Variants in SH3RF1 observed in about 807,000 individuals in gnomAD.
SH3RF1 encodes SH3 domain containing ring finger 1.
Under a neutral mutation model 74.0 loss-of-function variants are expected in SH3RF1, and 32 were observed. The ratio of observed to expected loss-of-function variants is 0.43; its 90% CI spans 0.33 to 0.58. The LOEUF is 0.58. SH3RF1 is among the 20% of genes least tolerant of loss of function. The pLI is 0.05. For synonymous variants in SH3RF1, 396 were observed against 439.6 expected, an observed-to-expected ratio of 0.90 and a Z score of 1.24; for missense variants, 954 against 1,130.9, an observed-to-expected ratio of 0.84 and a Z score of 2.24.
chr4:169,228,901 T>A (rs1730691167), intron 2 of SH3RF1, among the ~76,000 whole-genome samples: 2 of 152,198 alleles, frequency 1.3e-5, no homozygotes, highest in Non-Finnish European at 2.9e-5. Context: ...TATAATTTTG[T>A]AATGTTAGAA....
chr4:169,227,172 A>C (rs1364952852), intron 2 of SH3RF1, among the ~76,000 whole-genome samples: 4 of 152,202 alleles, frequency 2.6e-5, no homozygotes, highest in African/African-American at 9.6e-5. Context: ...CCTTGAAAAA[A>C]AAACACATAA....
At chr4:169,240,935 T>C (rs1660960391) in intron 2 of SH3RF1, among the ~76,000 whole-genome samples, 1 of 152,130 alleles carries the variant, frequency 6.6e-6, no homozygotes, top group African/African-American at 2.4e-5. Context: ...AGCTTTCCTT[T>C]TTAAAACTGC....
At chr4:169,125,860 T>C (rs967891990) in intron 6 of SH3RF1, among the ~76,000 whole-genome samples, 3 of 152,246 alleles carry the variant, frequency 2.0e-5, no homozygotes, top group Admixed American at 1.3e-4. Flanking sequence ...TACATGGAGA[T>C]GCCTGTTGAA....
chr4:169,220,448 A>G, intron 2 of SH3RF1: 1 of 152,248 alleles, frequency 6.6e-6, no homozygotes, highest in East Asian at 1.9e-4. Context: ...TCTCCTCCAC[A>G]GGATAAATTT....
chr4:169,104,967 TTC>T (rs1394981918), intron 11 of SH3RF1, among the ~76,000 whole-genome samples: 1 of 152,124 alleles, frequency 6.6e-6, no homozygotes, highest in African/African-American at 2.4e-5. Context: ...TTGAAATTTA[TTC>T]TTTTCCATTT....
chr4:169,203,384 C>G (rs1734942155), intron 2 of SH3RF1, among the ~76,000 whole-genome samples: 1 of 152,032 alleles, frequency 6.6e-6, no homozygotes, highest in Admixed American at 6.6e-5. Context: ...AACCCCACCT[C>G]TACCAAAAAT....
intron 4 of SH3RF1, among the ~76,000 whole-genome samples, chr4:169,141,635 A>G (rs894692112): frequency 1.3e-5 from 2 of 148,978 alleles, no homozygotes; most frequent in African/African-American, 2.5e-5. Flanking sequence ...GACTGATATA[A>G]ATACTTTTTT....
intron 2 of SH3RF1, among the ~76,000 whole-genome samples, chr4:169,266,048 C>G (rs1009784921): frequency 4.6e-5 from 7 of 152,252 alleles, no homozygotes; most frequent in South Asian, 2.1e-4. Context: ...TGGCCTAAAA[C>G]CAACAGGAAT....
Position 169,107,196 on chromosome 4 carries a change from T to G in SH3RF1, c.2149A>C (p.Lys717Gln). The change falls in exon 11 of 12, where the codon AAG (lysine) becomes CAG (glutamine). Residue 717 changes from lysine to glutamine, a missense_variant. By Grantham distance (53) the Lys-to-Gln change is moderately conservative. Coordinates refer to ENST00000284637, the MANE Select transcript of SH3RF1 (RefSeq NM_020870.4). ...KPDKDSKKEK[K>Q]GLLKLLSGAS... ...CCAGAAAGCAACTTCAACAAACCCT[T>G]TTTTTCTTTCTGGAAAAAAAAAATA... The G allele has an allele frequency of 6.5e-7, 1 of 1,539,702 alleles. No individual in the cohort carries two copies. Among genetic ancestry groups the G allele is most frequent in the Non-Finnish European group, 8.7e-7 (1 of 1,144,478 alleles).
Position 169,203,237 on chromosome 4 carries a change from G to C in SH3RF1, c.394-46558C>G, listed in dbSNP as rs568931441. ...AACTCAAAGCATCTTGCTCTTTGTA[G>C]TTGAAAGAGCAAATAAAAATATCCC... On this transcript the variant is annotated intron_variant, in intron 2 of 11. Coordinates refer to ENST00000284637, the MANE Select transcript of SH3RF1 (RefSeq NM_020870.4). 6.6e-5 allele frequency among the ~76,000 whole-genome samples: 10 copies of C among 152,258 alleles called. No individual in the cohort carries two copies. In the East Asian group the frequency reaches 1.9e-3, roughly 29 times the overall value.
rs902876667 is a variant in SH3RF1 at position 169,199,630 on chromosome 4, T to A, written c.394-42951A>T. 3.0e-4 allele frequency among the ~76,000 whole-genome samples: 45 copies of A among 149,922 alleles called. 1 individual carries two copies. The highest frequency in any genetic ancestry group is 6.8e-3 in the Middle Eastern group (2 of 294). ...TAGTGAATGCGCAAAAAAAAAAAAA[T>A]AAATAAATAACAGAGGAGACTAATA... On this transcript the variant is annotated intron_variant, in intron 2 of 11. Coordinates refer to ENST00000284637, the MANE Select transcript of SH3RF1 (RefSeq NM_020870.4).
At chr4:169,211,932 G>GT (rs1730381564) in intron 2 of SH3RF1, among the ~76,000 whole-genome samples, 1 of 150,146 alleles carries the variant, frequency 6.7e-6, no homozygotes, top group Non-Finnish European at 1.5e-5. Context: ...ACTGTTACAT[G>GT]TTTTTTCCCA....
intron 2 of SH3RF1, among the ~76,000 whole-genome samples, chr4:169,236,325 T>G (rs1380206024): frequency 5.9e-5 from 9 of 152,210 alleles, no homozygotes; most frequent in African/African-American, 2.2e-4. Context: ...TGGAAGCATG[T>G]GCTGAGATGG....
chr4:169,111,963 C>A (rs1733252559), intron 10 of SH3RF1, among the ~76,000 whole-genome samples: 2 of 152,114 alleles, frequency 1.3e-5, no homozygotes, highest in Admixed American at 1.3e-4. Flanking sequence ...AAATACTGTT[C>A]AAAGGAGTAG....
chr4:169,170,051 G>A (rs1174093619), intron 2 of SH3RF1, among the ~76,000 whole-genome samples: 1 of 151,106 alleles, frequency 6.6e-6, no homozygotes, highest in Non-Finnish European at 1.5e-5. Flanking sequence ...TTAATGGGCA[G>A]TTTTATTGAG....
chr4:169,153,284 C>T (rs893084406), intron 4 of SH3RF1, among the ~76,000 whole-genome samples: 1 of 152,130 alleles, frequency 6.6e-6, no homozygotes, highest in Non-Finnish European at 1.5e-5. Context: ...TCAATCTTCT[C>T]CAAACTTCTA....
chr4:169,140,715 C>T (rs1011656328), intron 4 of SH3RF1, among the ~76,000 whole-genome samples: 2 of 151,870 alleles, frequency 1.3e-5, no homozygotes, highest in East Asian at 1.9e-4. Flanking sequence ...TTTTAAAAGG[C>T]GGGACTTACA....
rs1733450095 is a variant in SH3RF1 at position 169,122,187 on chromosome 4, G to A, written c.1259C>T (p.Ala420Val). 6.2e-7 allele frequency: 1 copy of A among 1,613,602 alleles called. No homozygotes were observed. Among genetic ancestry groups the A allele is most frequent in the African/African-American group, 1.3e-5 (1 of 74,910 alleles). ...LASTPPGATAAAAAAGMGPRP... is the reference protein window; with the variant it reads ...LASTPPGATAVAAAAGMGPRP... ...CGGTCCCATTCCAGCAGCAGCAGCA[G>A]CGGCGGTGGCGCCTGGTGGTGTGGA... The change falls in exon 7 of 12, where the codon GCT becomes GTT. Residue 420 changes from alanine to valine, a missense_variant. By Grantham distance (64) the Ala-to-Val change is moderately conservative. Coordinates refer to ENST00000284637, the MANE Select transcript of SH3RF1 (RefSeq NM_020870.4).
chr4:169,102,865 C>G (rs964427627), intron 11 of SH3RF1, among the ~76,000 whole-genome samples: 1 of 151,338 alleles, frequency 6.6e-6, no homozygotes, highest in African/African-American at 2.4e-5. Context: ...AGTCTTTATA[C>G]CACGTGGTTG....
Sources: allele counts gnomAD v4.1 joint callset (sites outside exome capture counted in the v4.1 genomes callset), GRCh38; gene constraint gnomAD v4.1.1; transcripts MANE v1.5; gene names NCBI Gene and HGNC (gene_info 2026-07-23, HGNC 2026-07-21).